ABCC5: variants seen among roughly 807,000 people sequenced by gnomAD.
The protein encoded by ABCC5 is ATP-binding cassette sub-family C member 5.
A neutral mutation model predicts 160.9 loss-of-function variants in ABCC5; 61 were observed. The observed-to-expected ratio is 0.38, with a 90% CI of 0.31 to 0.47. The LOEUF is 0.47. ABCC5 is among the 20% of genes least tolerant of loss of function. The pLI is 0.99. For synonymous variants in ABCC5, 666 were observed against 700.6 expected (o/e 0.95, Z 0.78); for missense variants, 1,308 against 1,813.3 (o/e 0.72, Z 5.06).
intron 2 of ABCC5, among the ~76,000 whole-genome samples, chr3:183,992,885 G>A (rs1249381319): frequency 6.6e-6 from 1 of 152,104 alleles, no homozygotes; most frequent in Non-Finnish European, 1.5e-5. Flanking sequence ...AAAGGCCAGA[G>A]GTAAATATTT....
chr3:184,011,974 G>A (rs545354822), intron 2 of ABCC5, among the ~76,000 whole-genome samples: 11 of 150,168 alleles, frequency 7.3e-5, no homozygotes, highest in Admixed American at 2.7e-4. Context: ...CTGTGGAAGC[G>A]GTCACACAAA....
At chr3:183,974,452 G>A (rs921012777) in intron 10 of ABCC5, among the ~76,000 whole-genome samples, 6 of 152,006 alleles carry the variant, frequency 3.9e-5, no homozygotes, top group Non-Finnish European at 5.9e-5. Context: ...GGGATTACAG[G>A]TGCCCACCAC....
chr3:184,014,116 A>G lies in ABCC5; in HGVS notation c.129+148T>C, dbSNP rs909223270. 1.1e-5 allele frequency: 6 copies of G among 555,130 alleles called. No individual in the cohort carries two copies. In the Admixed American group the frequency reaches 1.3e-4, roughly 12 times the overall value. 34.4% of individuals were successfully genotyped at this position (555,130 alleles called of 1,614,324 possible). A position where few individuals can be genotyped will look rare whatever the true frequency, so the allele number is the denominator to read the frequency against. ...TCGAACTCCTGACCTCAGATGATCCACCCGCCTCAGCCTCCCAAAGTGCTG... is the reference window on the plus strand; with the variant it reads ...TCGAACTCCTGACCTCAGATGATCCGCCCGCCTCAGCCTCCCAAAGTGCTG... On this transcript the variant is annotated intron_variant, in intron 2 of 29. Transcript: ENST00000334444.
At chr3:183,930,546 T>C (rs887522707) in intron 26 of ABCC5, among the ~76,000 whole-genome samples, 2 of 152,102 alleles carry the variant, frequency 1.3e-5, no homozygotes, top group African/African-American at 4.8e-5. Flanking sequence ...ACCAGAGTAA[T>C]AGAGAAGGGT....
intron 2 of ABCC5, among the ~76,000 whole-genome samples, chr3:183,994,717 G>A (rs566210202): frequency 2.4e-4 from 37 of 152,236 alleles, no homozygotes; most frequent in African/African-American, 8.9e-4. Flanking sequence ...AATAGGTGTG[G>A]TATGGTATCT....
At chr3:183,938,436 C>T (rs1182611320) in intron 25 of ABCC5, among the ~76,000 whole-genome samples, 1 of 152,096 alleles carries the variant, frequency 6.6e-6, no homozygotes, top group East Asian at 1.9e-4. Context: ...GTAGCTGGAA[C>T]TACAGGCACG....
chr3:183,937,204 T>A (rs1713817460), intron 26 of ABCC5, among the ~76,000 whole-genome samples: 2 of 152,110 alleles, frequency 1.3e-5, no homozygotes, highest in Admixed American at 1.3e-4. Context: ...TGGTGAAACC[T>A]CATCTCTACT....
chr3:183,981,254 C>T (rs925865405), intron 8 of ABCC5, among the ~76,000 whole-genome samples: 4 of 152,182 alleles, frequency 2.6e-5, no homozygotes, highest in African/African-American at 4.8e-5. Flanking sequence ...TTTGTGGGCA[C>T]TTACACGTTT....
chr3:183,973,920 T>A (rs1041196316), intron 10 of ABCC5, among the ~76,000 whole-genome samples: 3 of 152,158 alleles, frequency 2.0e-5, no homozygotes, highest in Non-Finnish European at 4.4e-5. Context: ...TTAAGAAACA[T>A]GCCAGTACCT....
At chr3:183,943,201 C>T (rs184569539) in intron 24 of ABCC5, among the ~76,000 whole-genome samples, 5 of 152,298 alleles carry the variant, frequency 3.3e-5, no homozygotes, top group African/African-American at 1.2e-4. Flanking sequence ...ACAAAGCTGC[C>T]TTGGGGGCCA....
chr3:183,930,022 A>C (rs550109635), intron 26 of ABCC5, among the ~76,000 whole-genome samples: 1 of 105,628 alleles, frequency 9.5e-6, no homozygotes, highest in Non-Finnish European at 2.1e-5. Context: ...GGGATGTTAC[A>C]GTAATTTTGG....
At chr3:183,947,277 G>A (rs1440619439) in intron 23 of ABCC5, 47 bp downstream of exon 23, 1 of 1,524,042 alleles carries the variant, frequency 6.6e-7, no homozygotes, top group Non-Finnish European at 8.8e-7. Flanking sequence ...GTCAGCAGAG[G>A]AAGGGCTCAA....
rs1577501170 is a variant in ABCC5, at chr3:183,950,035, G to A, written c.3035C>T (p.Pro1012Leu). 9.9e-6 allele frequency: 16 copies of A among 1,614,036 alleles called. No individual in the cohort carries two copies. Among genetic ancestry groups the A allele is most frequent in the African/African-American group, 1.3e-5 (1 of 74,988 alleles). The change falls in exon 21 of 30, where the codon CCG becomes CTG. Residue 1012 changes from proline to leucine, a missense_variant. Physicochemically the swap from Pro to Leu is moderately conservative, Grantham distance 98. Around this residue, in one of 3 missense-constraint regions of ABCC5, gnomAD observed 1,142 missense variants for 1,527.1 expected, o/e 0.75. Transcript: ENST00000334444. ...FCVGMIAGVF[P>L]WFLVAVGPLV... Reference sequence around the variant, plus strand: ...GGGCCCCACTGCCACAAGGAACCACGGGAAGACTCCTGCGATCATTCCCAC... The same window carrying A: ...GGGCCCCACTGCCACAAGGAACCACAGGAAGACTCCTGCGATCATTCCCAC...
intron 28 of ABCC5, 142 bp from the exon 29 acceptor site, chr3:183,925,861 C>T (rs966931652): frequency 2.2e-5 from 19 of 850,530 alleles, no homozygotes; most frequent in East Asian, 1.6e-4. Context: ...TTTTTTGAGA[C>T]GGAGTCTTGC....
intron 2 of ABCC5, among the ~76,000 whole-genome samples, chr3:183,996,463 CTA>C (rs1409842614): frequency 6.6e-6 from 1 of 152,068 alleles, no homozygotes; most frequent in African/African-American, 2.4e-5. Context: ...GTTCTTTTTA[CTA>C]TATATAACTA....
rs564191551 is a variant in ABCC5, at chr3:183,979,780, C to T, written c.1148-1129G>A. 3.9e-5 allele frequency among the ~76,000 whole-genome samples: 6 copies of T among 152,024 alleles called. No homozygotes were observed. In the South Asian group the frequency reaches 6.2e-4, roughly 16 times the overall value. On this transcript the variant is annotated intron_variant, in intron 8 of 29. Coordinates refer to ENST00000334444, the MANE Select transcript of ABCC5 (RefSeq NM_005688.4). ...TTTTTGTAGAGAGGAGGTCTCAGTA[C>T]GTTGTCCAGGCTGGTCTTGAACTCC...
At chr3:183,974,767 T>C (rs1318340259) in intron 10 of ABCC5, among the ~76,000 whole-genome samples, 3 of 152,232 alleles carry the variant, frequency 2.0e-5, no homozygotes, top group Non-Finnish European at 4.4e-5. Context: ...TTCTACAGGT[T>C]ATCAAATCAA....
intron 5 of ABCC5, chr3:183,983,938 C>T (rs1251781111): frequency 4.1e-6 from 4 of 985,276 alleles, no homozygotes; most frequent in Non-Finnish European, 1.2e-6. Context: ...TAACGACACA[C>T]AGTAGAAATA....
chr3:183,989,912 C>A (rs551402302), intron 2 of ABCC5, among the ~76,000 whole-genome samples: 60 of 151,840 alleles, frequency 4.0e-4, no homozygotes, highest in Non-Finnish European at 7.9e-4. Flanking sequence ...TCAAGCAATT[C>A]TCCTGCCTCA....
Sources: allele counts gnomAD v4.1 joint callset (sites outside exome capture counted in the v4.1 genomes callset), GRCh38; gene constraint gnomAD v4.1.1; regional missense constraint gnomAD v4.1.1; transcripts MANE v1.5; gene names NCBI Gene and HGNC (gene_info 2026-07-23, HGNC 2026-07-21).